The following PLXNB1 variants were observed in gnomAD, a reference collection of about 807,000 sequenced individuals.
PLXNB1 encodes plexin B1, also known as plexin-B1.
PLXNB1 carries 106 observed loss-of-function variants against 209.4 expected under a neutral mutation model. The observed-to-expected ratio is 0.51, with a 90% CI of 0.43 to 0.59. PLXNB1 has a LOEUF of 0.59. Ranked by LOEUF, PLXNB1 falls within the 20% of genes least tolerant of loss-of-function variation. The pLI, the probability that PLXNB1 is intolerant of heterozygous loss-of-function variation, is 0.00. For synonymous variants in PLXNB1, 1,167 were observed against 1,183.2 expected (o/e 0.99, Z 0.28); for missense variants, 2,357 against 2,853.2 (o/e 0.83, Z 3.96).
At chr3:48,424,644 G>A in intron 2 of PLXNB1, 27 bp from the exon 3 acceptor site, 1 of 1,528,328 alleles carries the variant, frequency 6.5e-7, no homozygotes, top group Non-Finnish European at 8.8e-7. Flanking sequence ...TCGAGAGAGT[G>A]GGGCTCACGT....
chr3:48,421,443 A>AT, intron 7 of PLXNB1, 59 bp from the exon 8 acceptor site: 2 of 1,493,336 alleles, frequency 1.3e-6, no homozygotes, highest in Non-Finnish European at 1.8e-6. Context: ...CAGGGCTCAC[A>AT]TTTATGGGAC....
At chr3:48,426,788 G>A (rs1020032578) in intron 1 of PLXNB1, among the ~76,000 whole-genome samples, 3 of 152,218 alleles carry the variant, frequency 2.0e-5, no homozygotes, top group African/African-American at 7.2e-5. Flanking sequence ...GGGGCGGGGG[G>A]AAGGGGGCAG....
At position 48,419,403 on chromosome 3, in the gene PLXNB1, A is replaced by G. The variant is rs372896982; in HGVS notation, c.2710-37T>C. 35 of 1,529,866 alleles carry G rather than the reference A, an allele frequency of 2.3e-5. No individual in the cohort carries two copies. Among genetic ancestry groups the G allele is most frequent in the Non-Finnish European group, 2.9e-5 (33 of 1,136,410 alleles). The allele number at this position is 1,529,866 out of a possible 1,614,324, so 94.8% of individuals were successfully genotyped here. Reference sequence around the variant, plus strand: ...AAGGGCAAGGCAGTCTATGGAGCCCACCCTGCCCAGCTCAGCCCTCTGCCT... The same window carrying G: ...AAGGGCAAGGCAGTCTATGGAGCCCGCCCTGCCCAGCTCAGCCCTCTGCCT... On this transcript the variant is annotated intron_variant, in intron 11 of 37. Coordinates refer to ENST00000296440, the MANE Select transcript of PLXNB1 (RefSeq NM_001130082.3). This position sits in a 1 kb window ranked among gnomAD's most constrained non-coding sequence, Gnocchi z 5.7.
chr3:48,411,755 T>C lies in PLXNB1; in HGVS notation c.5247+108A>G. The C allele has an allele frequency of 7.7e-7, 1 of 1,305,718 alleles. No individual in the cohort carries two copies. The highest frequency in any genetic ancestry group is 1.1e-6 in the Non-Finnish European group (1 of 930,984). The allele number at this position is 1,305,718 out of a possible 1,614,324, so 80.9% of individuals were successfully genotyped here. Reference sequence around the variant, plus strand: ...AGCCAGAGGTCAACCCAGCTCTACATCCAGGTACCACATCAGAAGCTGGTG... The same window carrying C: ...AGCCAGAGGTCAACCCAGCTCTACACCCAGGTACCACATCAGAAGCTGGTG... On this transcript the variant is annotated intron_variant, in intron 28 of 37. Coordinates refer to ENST00000296440, the MANE Select transcript of PLXNB1 (RefSeq NM_001130082.3). The surrounding 1 kb of genome is among the most constrained non-coding windows in gnomAD (Gnocchi z 4.0).
chr3:48,410,653 T>A lies in PLXNB1; in HGVS notation c.5417-95A>T. 1 of 1,115,376 alleles carries A rather than the reference T, an allele frequency of 9.0e-7. No individual in the cohort carries two copies. The allele number at this position is 1,115,376 out of a possible 1,614,324, so 69.1% of individuals were successfully genotyped here. A position where few individuals can be genotyped will look rare whatever the true frequency, so the allele number is the denominator to read the frequency against. Reference sequence around the variant, plus strand: ...CTCCACAGGGACACCAGCCCCTCCATCATGGGGCAGCCTTACTCAACCTCT... The same window carrying A: ...CTCCACAGGGACACCAGCCCCTCCAACATGGGGCAGCCTTACTCAACCTCT... On this transcript the variant is annotated intron_variant, in intron 29 of 37. Coordinates refer to ENST00000296440, the MANE Select transcript of PLXNB1 (RefSeq NM_001130082.3). This position sits in a 1 kb window ranked among gnomAD's most constrained non-coding sequence, Gnocchi z 6.4.
At position 48,421,669 on chromosome 3, in the gene PLXNB1, T is replaced by C; in HGVS notation, c.1653+5A>G. ...CACCAGGGCCCTGCCTATCTGATCA[T>C]TCACCTCCCTCGTCTCCTCTCGGCT... On this transcript the variant is annotated splice_donor_5th_base_variant and intron_variant, in intron 7 of 37. Transcript: ENST00000296440. 6.3e-7 allele frequency: 1 copy of C among 1,592,956 alleles called. No homozygotes were observed. The highest frequency in any genetic ancestry group is 1.1e-5 in the South Asian group (1 of 90,372).
At position 48,405,732 on chromosome 3, in the gene PLXNB1, A is replaced by G. The variant is rs1362405086; in HGVS notation, c.6295T>C (p.Tyr2099His). The G allele has an allele frequency of 6.2e-7, 1 of 1,613,352 alleles. No individual in the cohort carries two copies. Among genetic ancestry groups the G allele is most frequent in the South Asian group, 1.1e-5 (1 of 91,050 alleles). Residue 2099 changes from tyrosine (Y) to histidine (H), a missense_variant, in exon 37 of 38, where the codon TAT (tyrosine) becomes CAT (histidine). Coordinates refer to ENST00000296440, the MANE Select transcript of PLXNB1 (RefSeq NM_001130082.3). The surrounding 1 kb of genome is among the most constrained non-coding windows in gnomAD (Gnocchi z 5.0). ...GTCCAGGGCCTGCCCACCTGGTCAT[A>G]GTACTTGTTGATGTACTTGTAGAGT... Reference protein sequence around the residue: ...HELYKYINKYYDQIITALEED... With the variant: ...HELYKYINKYHDQIITALEED...
chr3:48,415,933 T>C lies in PLXNB1; in HGVS notation c.3617+98A>G, dbSNP rs753237042. On this transcript the variant is annotated intron_variant, in intron 18 of 37. Transcript: ENST00000296440. The surrounding 1 kb of genome is among the most constrained non-coding windows in gnomAD (Gnocchi z 5.0). ...CTGGCCACTCTCTGAAGGAGCAGACTGGCCCTCTTCCCCTTTCTGCTCTCC... is the reference window on the plus strand; with the variant it reads ...CTGGCCACTCTCTGAAGGAGCAGACCGGCCCTCTTCCCCTTTCTGCTCTCC... 112 of 1,429,566 alleles carry C rather than the reference T, an allele frequency of 7.8e-5. No homozygotes were observed. The highest frequency in any genetic ancestry group is 1.0e-4 in the Non-Finnish European group (106 of 1,054,236). 88.6% of individuals were successfully genotyped at this position (1,429,566 alleles called of 1,614,324 possible).
rs1235476729 is a variant in PLXNB1, at chr3:48,418,236, C to A, written c.3177G>T (p.Glu1059Asp). The A allele has an allele frequency of 1.2e-6, 2 of 1,613,014 alleles. No individual in the cohort carries two copies. Among genetic ancestry groups the A allele is most frequent in the Non-Finnish European group, 1.7e-6 (2 of 1,179,790 alleles). ...GGCACTGGGTGGCCACAGCCTCAGC[C>A]TCACCACAGGCCTCCCGGGTCACAC... is the stretch of plus-strand genomic sequence containing the variant. ...PRCVTREACGEAEAVATQCPA... is the reference protein window; with the variant it reads ...PRCVTREACGDAEAVATQCPA... Residue 1059 changes from glutamate (E) to aspartate (D), a missense_variant, in exon 15 of 38, where the codon GAG becomes GAT. This residue lies in a region of PLXNB1 where 743 missense variants were observed against 896.2 expected (regional missense o/e 0.83). Coordinates refer to ENST00000296440, the MANE Select transcript of PLXNB1 (RefSeq NM_001130082.3). The surrounding 1 kb of genome is among the most constrained non-coding windows in gnomAD (Gnocchi z 6.6).
At position 48,412,772 on chromosome 3, in the gene PLXNB1, G is replaced by A; in HGVS notation, c.4824C>T (p.Asn1608=). The A allele has an allele frequency of 3.1e-6, 5 of 1,613,510 alleles. No homozygotes were observed. The highest frequency in any genetic ancestry group is 1.1e-5 in the South Asian group (1 of 91,082). The change falls in exon 25 of 38, where the codon AAC becomes AAT. Residue 1608 remains asparagine, a synonymous_variant. Transcript: ENST00000296440. The part of the protein sequence containing the change: ...TVEQGLGQLS[N]LLNSKLFLTK... ...TGAGGAAGAGCTTGCTGTTGAGCAG[G>A]TTAGAGAGCTGCCCCAGCCCTTGCT...
rs767426005 is a variant in PLXNB1 at position 48,420,140 on chromosome 3, G to A, written c.2146C>T (p.Pro716Ser). 7.4e-6 allele frequency: 12 copies of A among 1,610,830 alleles called. No individual in the cohort carries two copies. The highest frequency in any genetic ancestry group is 1.0e-5 in the Non-Finnish European group (12 of 1,178,908). ...ATGTCCGAAGCTGTGGCTGTGGAGG[G>A]AGCCCCAGGCTCCACGGGAAGGGTG... is the stretch of plus-strand genomic sequence containing the variant. ...PDTLPVEPGA[P>S]STATASDISP... Residue 716 changes from proline (P) to serine (S), a missense_variant, in exon 11 of 38, where the codon CCC (proline) becomes TCC (serine). Physicochemically the swap from Pro to Ser is moderately conservative, Grantham distance 74 (BLOSUM62 -1). Around this residue, in one of 7 missense-constraint regions of PLXNB1, gnomAD observed 410 missense variants for 401.0 expected, o/e 1.02. Transcript: ENST00000296440.
At position 48,415,744 on chromosome 3, in the gene PLXNB1, C is replaced by A. The variant is rs1037725837; in HGVS notation, c.3633G>T (p.Gln1211His). 5.2e-6 allele frequency: 8 copies of A among 1,544,488 alleles called. No homozygotes were observed. Among genetic ancestry groups the A allele is most frequent in the Non-Finnish European group, 7.0e-6 (8 of 1,141,446 alleles). ...TGGTCTCACACCGCAGTTGTTCTGA[C>A]TGCTGCTCCGGCAGCCTGGGAGGGG... Reference protein sequence around the residue: ...DQPCHLLPEQQSEQLRCETSP... With the variant: ...DQPCHLLPEQHSEQLRCETSP... The change falls in exon 19 of 38, where the codon CAG becomes CAT. Residue 1211 changes from glutamine to histidine, a missense_variant. Gln to His is a conservative substitution (Grantham distance 24, BLOSUM62 0). Transcript: ENST00000296440. This position sits in a 1 kb window ranked among gnomAD's most constrained non-coding sequence, Gnocchi z 5.0.
chr3:48,427,597 C>T lies in PLXNB1; in HGVS notation c.-59-2264G>A, dbSNP rs544270021. Among the ~76,000 whole-genome samples the T allele has an allele frequency of 6.6e-5, 10 of 152,250 alleles. No individual in the cohort carries two copies. In the South Asian group the frequency reaches 2.1e-3, roughly 32 times the overall value. On this transcript the variant is annotated intron_variant, in intron 1 of 37. Coordinates refer to ENST00000296440, the MANE Select transcript of PLXNB1 (RefSeq NM_001130082.3). The stretch of plus-strand genomic sequence containing the variant: ...AGAGCGGGAGGGATAAAGGCCTACC[C>T]CTCCAGTCCACACCTCTCCCACCCG...
rs1442647654 is a variant in PLXNB1 at position 48,405,811 on chromosome 3, C to A, written c.6229-13G>T. 6.2e-7 allele frequency: 1 copy of A among 1,610,738 alleles called. No homozygotes were observed. The highest frequency in any genetic ancestry group is 8.5e-7 in the Non-Finnish European group (1 of 1,177,698). On this transcript the variant is annotated splice_polypyrimidine_tract_variant and intron_variant, in intron 36 of 37. Coordinates refer to ENST00000296440, the MANE Select transcript of PLXNB1 (RefSeq NM_001130082.3). This position sits in a 1 kb window ranked among gnomAD's most constrained non-coding sequence, Gnocchi z 5.0. Reference sequence around the variant, plus strand: ...CTCCGGAGTAGTTCTAGGGAAGAGGCCAAATGAAAGGTGAGAGAGACGAGG... The same window carrying A: ...CTCCGGAGTAGTTCTAGGGAAGAGGACAAATGAAAGGTGAGAGAGACGAGG...
chr3:48,423,713 G>T lies in PLXNB1; in HGVS notation c.899C>A (p.Ala300Asp). ...GEVLFAAFSS[A>D]APPTVGRPPS... Reference sequence around the variant, plus strand: ...GGGCCGGCCCACAGTGGGGGGTGCAGCCGAGGAGAAAGCTGCAAAGAGCAC... The same window carrying T: ...GGGCCGGCCCACAGTGGGGGGTGCATCCGAGGAGAAAGCTGCAAAGAGCAC... The change falls in exon 3 of 38, where the codon GCT (alanine) becomes GAT (aspartate). Residue 300 changes from alanine (A) to aspartate (D), a missense_variant. Around this residue, in one of 7 missense-constraint regions of PLXNB1, gnomAD observed 404 missense variants for 443.6 expected, o/e 0.91. Transcript: ENST00000296440. 1 of 1,613,758 alleles carries T rather than the reference G, an allele frequency of 6.2e-7. No homozygotes were observed. The highest frequency in any genetic ancestry group is 8.5e-7 in the Non-Finnish European group (1 of 1,179,906).
intron 9 of PLXNB1, 26 bp downstream of exon 9, chr3:48,420,822 G>A: frequency 6.2e-7 from 1 of 1,609,052 alleles, no homozygotes; most frequent in Non-Finnish European, 8.5e-7. Context: ...GGAAGCCCAG[G>A]CCTGGGGACA....
intron 37 of PLXNB1, 81 bp from the exon 38 acceptor site, chr3:48,404,671 G>T: frequency 1.1e-6 from 1 of 903,174 alleles, no homozygotes; most frequent in Non-Finnish European, 1.7e-6. Flanking sequence ...CTCCTAAGAC[G>T]CTGTGGCATG....
In PLXNB1 at chr3:48,415,858, C is replaced by T. The variant is rs1276886507; in HGVS notation, c.3618-99G>A. The stretch of plus-strand genomic sequence containing the variant: ...TCCCTCAAGCGCTGACTGCAGTCTC[C>T]ACCAGGTGTCCCTGGAGGTGCACTC... On this transcript the variant is annotated intron_variant, in intron 18 of 37. Transcript: ENST00000296440. This position sits in a 1 kb window ranked among gnomAD's most constrained non-coding sequence, Gnocchi z 5.0. The T allele has an allele frequency of 2.2e-6, 3 of 1,369,102 alleles. No homozygotes were observed. Among genetic ancestry groups the T allele is most frequent in the Non-Finnish European group, 3.0e-6 (3 of 1,008,988 alleles). 84.8% of individuals were successfully genotyped at this position (1,369,102 alleles called of 1,614,324 possible). A position where few individuals can be genotyped will look rare whatever the true frequency, so the allele number is the denominator to read the frequency against.
Position 48,413,791 on chromosome 3 carries a change from G to A in PLXNB1, c.4414C>T (p.Leu1472=), listed in dbSNP as rs1484631411. The change falls in exon 23 of 38, where the codon CTG becomes TTG. Residue 1472 remains leucine, a synonymous_variant. Coordinates refer to ENST00000296440, the MANE Select transcript of PLXNB1 (RefSeq NM_001130082.3). The surrounding 1 kb of genome is among the most constrained non-coding windows in gnomAD (Gnocchi z 5.4). ...TCGCCGTCATACTGCACGTGACCCA[G>A]GGAGAAGCGCAAGTTCCCCATCTGC... The part of the protein sequence containing the change: ...TVQMGNLRFS[L]GHVQYDGESP... The A allele has an allele frequency of 6.2e-7, 1 of 1,613,618 alleles. No individual in the cohort carries two copies. Among genetic ancestry groups the A allele is most frequent in the East Asian group, 2.2e-5 (1 of 44,892 alleles).
Sources: gnomAD v4.1 joint callset for allele counts (sites outside exome capture counted in the v4.1 genomes callset) on GRCh38, gnomAD v4.1.1 for gene constraint, gnomAD v4.1.1 regional missense constraint, Gnocchi (gnomAD v3.1) non-coding constraint, MANE v1.5 for transcripts, NCBI Gene and HGNC (gene_info 2026-07-23, HGNC 2026-07-21) for gene names.